The following EPHA6 variants were observed in gnomAD, a reference collection of about 807,000 sequenced individuals.
The protein encoded by EPHA6 is EPH receptor A6, also known as ephrin type-A receptor 6.
In EPHA6, 50 loss-of-function variants were observed where a neutral mutation model predicts 112.0. The observed-to-expected ratio is 0.45, with a 90% CI of 0.36 to 0.56. EPHA6 has a LOEUF of 0.56. EPHA6 is among the 20% of genes least tolerant of loss of function. The probability of loss-of-function intolerance (pLI) is 0.00; values close to 1 mark genes in which losing one functional copy is unlikely to be tolerated. For synonymous variants in EPHA6, 529 were observed against 490.7 expected, an observed-to-expected ratio of 1.08 and a Z score of -1.03; for missense variants, 1,280 against 1,417.4, an observed-to-expected ratio of 0.90 and a Z score of 1.56.
In EPHA6 at chr3:97,086,183, AATTAAT is replaced by A. The variant is rs531230544; in HGVS notation, c.1114+98195_1114+98200del. On this transcript the variant is annotated intron_variant, in intron 3 of 17. Transcript: ENST00000389672. ...CTCCTGACCTCAGGATGTCAATATA[AATTAAT>A]ATTAGTTTGACCTTTTCTGCAAATT... Among the ~76,000 whole-genome samples the A allele has an allele frequency of 1.2e-3, 188 of 151,912 alleles. 2 individuals are homozygous for A. The South Asian group carries it at 0.014, about 11-fold the overall frequency.
intron 11 of EPHA6, 49 bp downstream of exon 11, chr3:97,532,592 T>C (rs1215458013): frequency 6.7e-7 from 1 of 1,492,922 alleles, no homozygotes; most frequent in Admixed American, 2.4e-5. Context: ...CTATCTCAGT[T>C]TTTTTTTAAG....
chr3:97,452,344 A>G (rs1044634955), intron 7 of EPHA6, among the ~76,000 whole-genome samples: 7 of 152,012 alleles, frequency 4.6e-5, no homozygotes, highest in Admixed American at 4.6e-4. Flanking sequence ...GCATATATGT[A>G]TGTGGAGGTA....
At chr3:97,351,036 T>C (rs2108893505) in intron 5 of EPHA6, among the ~76,000 whole-genome samples, 1 of 152,256 alleles carries the variant, frequency 6.6e-6, no homozygotes, top group South Asian at 2.1e-4. Context: ...CTTTGCATAT[T>C]TAGTACAATT....
intron 3 of EPHA6, among the ~76,000 whole-genome samples, chr3:97,146,611 A>G (rs576473204): frequency 6.6e-6 from 1 of 152,138 alleles, no homozygotes; most frequent in Non-Finnish European, 1.5e-5. Flanking sequence ...ACCAATAGCT[A>G]CCTTATCAAC....
intron 7 of EPHA6, among the ~76,000 whole-genome samples, 166 bp downstream of exon 7, chr3:97,448,896 T>C (rs1322813050): frequency 1.3e-5 from 2 of 152,162 alleles, no homozygotes; most frequent in East Asian, 3.9e-4. Context: ...GTTGCTATCA[T>C]TAAATGCTTT....
intron 5 of EPHA6, among the ~76,000 whole-genome samples, chr3:97,345,464 A>C (rs940837579): frequency 1.3e-5 from 2 of 152,158 alleles, no homozygotes; most frequent in Non-Finnish European, 2.9e-5. Context: ...AGGACTCCAT[A>C]AAAGCATGAA....
chr3:97,198,323 A>G lies in EPHA6; in HGVS notation c.1115-27941A>G, dbSNP rs1025467930. 2.0e-5 allele frequency among the ~76,000 whole-genome samples: 3 copies of G among 152,062 alleles called. No individual in the cohort carries two copies. The South Asian group carries it at 6.2e-4, about 31-fold the overall frequency. On this transcript the variant is annotated intron_variant, in intron 3 of 17. Coordinates refer to ENST00000389672, the MANE Select transcript of EPHA6 (RefSeq NM_001080448.3). Reference sequence around the variant, plus strand: ...TCACTGAAGTGGTTATGACCCATGCAAAAAAATGTGTGTGACTGAATCCTC... The same window carrying G: ...TCACTGAAGTGGTTATGACCCATGCGAAAAAATGTGTGTGACTGAATCCTC...
chr3:97,007,214 T>C (rs1576308571), intron 3 of EPHA6, among the ~76,000 whole-genome samples: 2 of 152,076 alleles, frequency 1.3e-5, no homozygotes, highest in Non-Finnish European at 1.5e-5. Context: ...ATTAAAGTTT[T>C]CCACTGTTAT....
At chr3:97,709,784 C>T (rs1476689482) in intron 14 of EPHA6, among the ~76,000 whole-genome samples, 1 of 152,130 alleles carries the variant, frequency 6.6e-6, no homozygotes, top group East Asian at 1.9e-4. Context: ...ATAGTGAGTT[C>T]TCATGAAATA....
chr3:97,723,000 G>C (rs1014662998), intron 15 of EPHA6, among the ~76,000 whole-genome samples: 7 of 152,102 alleles, frequency 4.6e-5, no homozygotes, highest in Non-Finnish European at 7.4e-5. Context: ...CAAGAAAGGG[G>C]TGAGATGATT....
chr3:97,010,335 T>C (rs2044040451), intron 3 of EPHA6, among the ~76,000 whole-genome samples: 1 of 152,184 alleles, frequency 6.6e-6, no homozygotes. Context: ...ACAGCCAAGT[T>C]ATTCATTTAC....
At chr3:96,941,563 G>A (rs1352296042) in intron 2 of EPHA6, among the ~76,000 whole-genome samples, 1 of 152,186 alleles carries the variant, frequency 6.6e-6, no homozygotes, top group African/African-American at 2.4e-5. Flanking sequence ...GTAGCTCGGA[G>A]TAGTTTGATC....
At chr3:97,295,036 A>C (rs1416218089) in intron 5 of EPHA6, among the ~76,000 whole-genome samples, 1 of 152,078 alleles carries the variant, frequency 6.6e-6, no homozygotes, top group Non-Finnish European at 1.5e-5. Flanking sequence ...TGACAGTTTG[A>C]CTATAATGTA....
intron 5 of EPHA6, among the ~76,000 whole-genome samples, chr3:97,331,048 C>G (rs1265662572): frequency 6.6e-6 from 1 of 152,160 alleles, no homozygotes; most frequent in Non-Finnish European, 1.5e-5. Flanking sequence ...GAAACTGTCT[C>G]TCAGACCACA....
At chr3:97,060,274 TAATC>T (rs974734134) in intron 3 of EPHA6, among the ~76,000 whole-genome samples, 15 of 152,238 alleles carry the variant, frequency 9.9e-5, no homozygotes, top group African/African-American at 3.1e-4. Flanking sequence ...TGAAGTTAAA[TAATC>T]AATATGGTAT....
At chr3:97,142,860 C>T (rs1483647665) in intron 3 of EPHA6, among the ~76,000 whole-genome samples, 2 of 151,842 alleles carry the variant, frequency 1.3e-5, no homozygotes, top group East Asian at 3.9e-4. Flanking sequence ...CTATGATGAA[C>T]TCACAGAGAA....
At chr3:97,705,777 C>A (rs1026266181) in intron 14 of EPHA6, among the ~76,000 whole-genome samples, 5 of 152,200 alleles carry the variant, frequency 3.3e-5, no homozygotes, top group African/African-American at 1.2e-4. Flanking sequence ...AGACCTCACT[C>A]CACAATTGGA....
chr3:97,621,306 ACTAATGGATG>A (rs2093812289), intron 13 of EPHA6, among the ~76,000 whole-genome samples: 1 of 151,906 alleles, frequency 6.6e-6, no homozygotes, highest in Non-Finnish European at 1.5e-5. Flanking sequence ...AGGAAAAATA[ACTAATGGATG>A]CTAGACTTAA....
chr3:97,194,890 G>C (rs2077399960), intron 3 of EPHA6, among the ~76,000 whole-genome samples: 1 of 151,744 alleles, frequency 6.6e-6, no homozygotes, highest in Non-Finnish European at 1.5e-5. Context: ...CAACATTTTT[G>C]GTTTCCATTG....
Sources: allele counts gnomAD v4.1 joint callset (sites outside exome capture counted in the v4.1 genomes callset), GRCh38; gene constraint gnomAD v4.1.1; transcripts MANE v1.5; gene names NCBI Gene and HGNC (gene_info 2026-07-23, HGNC 2026-07-21).